Variants in PRR14L observed in about 807,000 individuals in gnomAD.
PRR14L encodes the protein protein PRR14L.
PRR14L carries 80 observed loss-of-function variants against 155.0 expected under a neutral mutation model. The observed-to-expected ratio is 0.52, with a 90% confidence interval of 0.43 to 0.62. The LOEUF (loss-of-function observed/expected upper bound fraction) is 0.62, where lower values mean the gene tolerates loss of function less well. PRR14L is among the 20% of genes least tolerant of loss of function. The pLI is 0.00. For missense variants in PRR14L, 2,469 were observed against 2,548.0 expected (o/e 0.97, Z 0.67); for synonymous variants, 883 against 916.0 (o/e 0.96, Z 0.65).
Position 31,716,760 on chromosome 22 carries a change from T to C in PRR14L, c.1079A>G (p.Glu360Gly). The C allele has an allele frequency of 1.3e-6, 2 of 1,551,850 alleles. No homozygotes were observed. Among genetic ancestry groups the C allele is most frequent in the African/African-American group, 2.7e-5 (2 of 73,176 alleles). Residue 360 changes from glutamate to glycine, a missense_variant, in exon 4 of 9, where the codon GAA becomes GGA. This residue lies in a region of PRR14L where 2,363 missense variants were observed against 2,371.6 expected (regional missense o/e 1.00). Coordinates refer to ENST00000327423, the MANE Select transcript of PRR14L (RefSeq NM_173566.3). ...ACCACCACCTTCAAAACCACAGTTTTCTAAGGATATTGTTCTGGATTCTGG... is the reference window on the plus strand; with the variant it reads ...ACCACCACCTTCAAAACCACAGTTTCCTAAGGATATTGTTCTGGATTCTGG... ...SGPESRTISL[E>G]NCGFEGGGLL...
chr22:31,731,222 C>T (rs879450917), intron 2 of PRR14L, among the ~76,000 whole-genome samples: 1 of 152,060 alleles, frequency 6.6e-6, no homozygotes, highest in East Asian at 1.9e-4. Flanking sequence ...TACCTCTAGG[C>T]CCTATCGTAT....
At chr22:31,749,437 G>T (rs2074859665) in intron 1 of PRR14L, among the ~76,000 whole-genome samples, 1 of 152,136 alleles carries the variant, frequency 6.6e-6, no homozygotes, top group Admixed American at 6.5e-5. Context: ...TTGGGGTACA[G>T]GCGAAAAATA....
chr22:31,709,603 C>T (rs1264003138), intron 4 of PRR14L, among the ~76,000 whole-genome samples: 6 of 141,684 alleles, frequency 4.2e-5, no homozygotes, highest in Non-Finnish European at 7.5e-5. Flanking sequence ...TGCAGTGGCA[C>T]GATCTCGGGT....
At chr22:31,708,093 G>T (rs1049047883) in intron 4 of PRR14L, among the ~76,000 whole-genome samples, 2 of 151,868 alleles carry the variant, frequency 1.3e-5, no homozygotes, top group Admixed American at 1.3e-4. Context: ...AGGTTGCGGT[G>T]AGCTGAGATT....
chr22:31,718,989 G>A (rs957017288), intron 3 of PRR14L, among the ~76,000 whole-genome samples: 7 of 151,658 alleles, frequency 4.6e-5, no homozygotes, highest in Admixed American at 1.3e-4. Flanking sequence ...CAGGGGAATC[G>A]CTTGAATCCA....
chr22:31,743,813 A>T (rs903118213), intron 1 of PRR14L, among the ~76,000 whole-genome samples: 2 of 151,916 alleles, frequency 1.3e-5, no homozygotes, highest in Non-Finnish European at 2.9e-5. Context: ...AAAAAAAAAA[A>T]AAAGAACCTG....
chr22:31,733,387 C>CTCCACCTTCCACCT (rs1556481124), intron 2 of PRR14L, among the ~76,000 whole-genome samples: 11 of 146,826 alleles, frequency 7.5e-5, no homozygotes, highest in Non-Finnish European at 3.0e-5. Context: ...TCACTGCAAC[C>CTCCACCTTCCACCT]TCCGCCTTTG....
chr22:31,722,889 G>T (rs1315722254), intron 3 of PRR14L, among the ~76,000 whole-genome samples: 3 of 152,096 alleles, frequency 2.0e-5, no homozygotes, highest in Non-Finnish European at 4.4e-5. Context: ...CCTGACCTTG[G>T]CAGAGCAAGC....
chr22:31,701,997 G>A (rs58681555), intron 6 of PRR14L, among the ~76,000 whole-genome samples: 27 of 152,106 alleles, frequency 1.8e-4, no homozygotes, highest in African/African-American at 5.8e-4. Context: ...ATGGGGTCTC[G>A]CTATATTGCC....
intron 1 of PRR14L, among the ~76,000 whole-genome samples, chr22:31,739,868 G>A (rs1431987429): frequency 1.3e-5 from 2 of 152,090 alleles, no homozygotes; most frequent in Non-Finnish European, 2.9e-5. Context: ...TCAGGGCCAG[G>A]GTTTCTTGGC....
rs2074456522 is a variant in PRR14L at position 31,682,004 on chromosome 22, G to A, written c.*3523C>T. On this transcript the variant is annotated 3_prime_UTR_variant, in exon 9 of 9. Coordinates refer to ENST00000327423, the MANE Select transcript of PRR14L (RefSeq NM_173566.3). ...AACTGCATACTCCCCCCACCCCAGG[G>A]AATGGGAGAAAAGTATCACTGCCTA... 6.6e-6 allele frequency: 1 copy of A among 152,208 alleles called. No individual in the cohort carries two copies. The highest frequency in any genetic ancestry group is 1.5e-5 in the Non-Finnish European group (1 of 68,052). The allele number at this position is 152,208 out of a possible 1,614,324, so 9.4% of individuals were successfully genotyped here.
chr22:31,701,605 A>T (rs1289547225), intron 7 of PRR14L, 51 bp downstream of exon 7: 1 of 1,197,414 alleles, frequency 8.4e-7, no homozygotes. Flanking sequence ...ATATTATGAC[A>T]AACAATTTTC....
In PRR14L at chr22:31,702,217, T is replaced by G. The variant is rs76782797; in HGVS notation, c.6001-455A>C. Among the ~76,000 whole-genome samples the G allele has an allele frequency of 2.1e-3, 252 of 122,832 alleles. 3 individuals carry two copies. The highest frequency in any genetic ancestry group is 0.012 in the Admixed American group (152 of 12,616). 80.6% of individuals were successfully genotyped at this position (122,832 alleles called of 152,430 possible). A position where few individuals can be genotyped will look rare whatever the true frequency, so the allele number is the denominator to read the frequency against. On this transcript the variant is annotated intron_variant, in intron 6 of 8. Coordinates refer to ENST00000327423, the MANE Select transcript of PRR14L (RefSeq NM_173566.3). The stretch of plus-strand genomic sequence containing the variant: ...CAAAGCTCCCACTTCTATTCCTGCT[T>G]TTTTTATTATTTATTTATTTTTTTG...
chr22:31,703,997 A>G, intron 5 of PRR14L, among the ~76,000 whole-genome samples: 1 of 151,580 alleles, frequency 6.6e-6, no homozygotes, highest in East Asian at 1.9e-4. Context: ...GAGTTTCTCC[A>G]TGTTGGTCAG....
chr22:31,737,311 T>G (rs1478097092), intron 2 of PRR14L, among the ~76,000 whole-genome samples: 1 of 151,462 alleles, frequency 6.6e-6, no homozygotes, highest in African/African-American at 2.4e-5. Flanking sequence ...TGAAGCCCTA[T>G]CTCTACTAAA....
In PRR14L at chr22:31,715,536, A is replaced by G; in HGVS notation, c.2303T>C (p.Phe768Ser). 1 of 1,552,198 alleles carries G rather than the reference A, an allele frequency of 6.4e-7. No homozygotes were observed. ...TTCTATGACAGAGACCACTTGAGGA[A>G]AGCCAGCTGCTTCTCTCTTATTTGA... ...LRSNKREAAG[F>S]PQVVSVIECH... The change falls in exon 4 of 9, where the codon TTT (phenylalanine) becomes TCT (serine). Residue 768 changes from phenylalanine to serine, a missense_variant. Physicochemically the swap from Phe to Ser is radical, Grantham distance 155. Coordinates refer to ENST00000327423, the MANE Select transcript of PRR14L (RefSeq NM_173566.3).
At chr22:31,690,639 AT>A (rs373510332) in intron 7 of PRR14L, among the ~76,000 whole-genome samples, 13,890 of 143,012 alleles carry the variant, frequency 0.097, 676 homozygotes, top group South Asian at 0.2. Context: ...TCCCTGGCTA[AT>A]TTTTTTTTTT....
intron 7 of PRR14L, among the ~76,000 whole-genome samples, chr22:31,691,458 T>C (rs893022443): frequency 1.3e-5 from 2 of 152,066 alleles, no homozygotes; most frequent in Non-Finnish European, 2.9e-5. Context: ...TGGGCTCAAG[T>C]GATCCTCCTG....
At chr22:31,687,211 AT>A (rs1301708164) in intron 8 of PRR14L, among the ~76,000 whole-genome samples, 1 of 144,620 alleles carries the variant, frequency 6.9e-6, no homozygotes, top group Non-Finnish European at 1.5e-5. Flanking sequence ...GTAATTTTGT[AT>A]TTTAGTAGAG....
Sources: gnomAD v4.1 joint callset for allele counts (sites outside exome capture counted in the v4.1 genomes callset) on GRCh38, gnomAD v4.1.1 for gene constraint, gnomAD v4.1.1 regional missense constraint, MANE v1.5 for transcripts, NCBI Gene and HGNC (gene_info 2026-07-23, HGNC 2026-07-21) for gene names.